GPHN: variants seen among roughly 807,000 people sequenced by gnomAD.
The protein encoded by GPHN is gephyrin.
GPHN carries 17 observed loss-of-function variants against 95.5 expected under a neutral mutation model. That is an observed-to-expected ratio of 0.18 (90% CI 0.12 to 0.27). The LOEUF (loss-of-function observed/expected upper bound fraction) is 0.27, where lower values mean the gene tolerates loss of function less well. Ranked by LOEUF, GPHN falls within the 10% of genes least tolerant of loss-of-function variation. GPHN has a pLI of 1.00. For missense variants in GPHN, 660 were observed against 978.1 expected (o/e 0.67, Z 4.34); for synonymous variants, 320 against 322.5 (o/e 0.99, Z 0.08).
At chr14:66,953,679 T>C (rs2068277873) in intron 8 of GPHN, among the ~76,000 whole-genome samples, 1 of 152,182 alleles carries the variant, frequency 6.6e-6, no homozygotes, top group African/African-American at 2.4e-5. Flanking sequence ...TCCATTAACC[T>C]ATGTTTGCCT....
chr14:66,737,775 C>G (rs964010227), intron 2 of GPHN, among the ~76,000 whole-genome samples: 1 of 152,182 alleles, frequency 6.6e-6, no homozygotes, highest in African/African-American at 2.4e-5. Flanking sequence ...AACCAGCCAA[C>G]CGTGTGCTTA....
chr14:66,835,123 G>A (rs963812816), intron 4 of GPHN, among the ~76,000 whole-genome samples: 1 of 151,392 alleles, frequency 6.6e-6, no homozygotes, highest in African/African-American at 2.4e-5. Flanking sequence ...ATTTTTTATT[G>A]TGTCTATTTG....
At chr14:66,576,622 T>C (rs1468912881) in intron 1 of GPHN, among the ~76,000 whole-genome samples, 1 of 152,194 alleles carries the variant, frequency 6.6e-6, no homozygotes, top group Non-Finnish European at 1.5e-5. Context: ...GCATATTTTC[T>C]ATGCACAATC....
intron 2 of GPHN, among the ~76,000 whole-genome samples, chr14:66,740,045 G>A (rs1008478796): frequency 6.6e-6 from 1 of 151,964 alleles, no homozygotes; most frequent in Non-Finnish European, 1.5e-5. Flanking sequence ...GTGAATAATA[G>A]GCTAAAAGAA....
chr14:67,251,322 C>T, the GPHN span, among the ~76,000 whole-genome samples: 1 of 152,108 alleles, frequency 6.6e-6, no homozygotes, highest in South Asian at 2.1e-4. Flanking sequence ...CGCTTGAGCC[C>T]AGGAGTTTGA....
chr14:66,545,449 T>G, intron 1 of GPHN, among the ~76,000 whole-genome samples: 1 of 125,444 alleles, frequency 8.0e-6, no homozygotes, highest in African/African-American at 3.1e-5. Context: ...CACTTTCCAG[T>G]AGGGGTGGCT....
intron 9 of GPHN, among the ~76,000 whole-genome samples, chr14:67,015,970 T>C (rs1224939025): frequency 6.6e-6 from 1 of 152,198 alleles, no homozygotes; most frequent in Non-Finnish European, 1.5e-5. Flanking sequence ...TAAGCAACAG[T>C]GTTCCTTTTT....
the GPHN span, among the ~76,000 whole-genome samples, chr14:67,540,530 G>A: frequency 6.6e-6 from 1 of 151,716 alleles, no homozygotes; most frequent in African/African-American, 2.4e-5. Context: ...GGAGGCTGAG[G>A]CATGAGAATC....
At position 66,525,412 on chromosome 14, in the gene GPHN, A is replaced by G. The variant is rs572789402; in HGVS notation, c.64+16821A>G. Reference sequence around the variant, plus strand: ...TATTAGCCCTTTGTCAGATGAGTAGATTGCAAAAACTTTCTCCCATTCTGT... The same window carrying G: ...TATTAGCCCTTTGTCAGATGAGTAGGTTGCAAAAACTTTCTCCCATTCTGT... On this transcript the variant is annotated intron_variant, in intron 1 of 22. Transcript: ENST00000478722. Among the ~76,000 whole-genome samples the G allele has an allele frequency of 5.3e-5, 8 of 152,200 alleles. No individual in the cohort carries two copies. In the South Asian group the frequency reaches 6.2e-4, roughly 12 times the overall value.
At chr14:67,401,109 TAC>T in the GPHN span, among the ~76,000 whole-genome samples, 5 of 152,128 alleles carry the variant, frequency 3.3e-5, no homozygotes, top group Non-Finnish European at 7.3e-5. Flanking sequence ...TATTTGGAGA[TAC>T]ATCCCCTTTA....
the GPHN span, among the ~76,000 whole-genome samples, chr14:67,732,071 A>G: frequency 4.0e-5 from 6 of 150,616 alleles, no homozygotes; most frequent in African/African-American, 1.5e-4. Flanking sequence ...AGGCTGCAGT[A>G]AGCCGAGATC....
intron 9 of GPHN, among the ~76,000 whole-genome samples, chr14:67,006,041 G>A (rs1167780644): frequency 2.0e-5 from 3 of 148,104 alleles, no homozygotes; most frequent in African/African-American, 5.2e-5. Flanking sequence ...GAAAATAAAA[G>A]GAAGGGAGGC....
At chr14:67,592,670 G>C in the GPHN span, 1 of 1,608,858 alleles carries the variant, frequency 6.2e-7, no homozygotes, top group African/African-American at 1.3e-5. Context: ...ATCCCATGTG[G>C]TTCCACTGGA....
chr14:67,563,624 G>C, the GPHN span, among the ~76,000 whole-genome samples: 19 of 151,704 alleles, frequency 1.3e-4, no homozygotes, highest in African/African-American at 4.1e-4. Flanking sequence ...GTAGAGGCAG[G>C]GTTTCACCAT....
intron 4 of GPHN, among the ~76,000 whole-genome samples, chr14:66,859,995 G>A (rs1394550285): frequency 6.6e-6 from 1 of 152,080 alleles, no homozygotes; most frequent in Non-Finnish European, 1.5e-5. Context: ...GCTCAAAAGG[G>A]TAAATCTAAG....
chr14:66,620,853 T>C (rs1459112391), intron 1 of GPHN, among the ~76,000 whole-genome samples: 1 of 152,166 alleles, frequency 6.6e-6, no homozygotes, highest in Non-Finnish European at 1.5e-5. Context: ...AGTTACTTCC[T>C]AGATACAATG....
At chr14:67,424,826 C>T in the GPHN span, among the ~76,000 whole-genome samples, 1 of 152,110 alleles carries the variant, frequency 6.6e-6, no homozygotes, top group Non-Finnish European at 1.5e-5. Context: ...CACGGCTATG[C>T]TTCTACCCTG....
the GPHN span, chr14:67,337,266 C>CTT: frequency 1.3e-5 from 2 of 152,398 alleles, no homozygotes. Flanking sequence ...AATCCCAGCA[C>CTT]TTTGGGAGGC....
intron 5 of GPHN, among the ~76,000 whole-genome samples, chr14:66,908,505 A>G (rs989315718): frequency 6.6e-6 from 1 of 152,156 alleles, no homozygotes; most frequent in South Asian, 2.1e-4. Context: ...TGTCCTGTGC[A>G]TATAATTTCC....
Sources: gnomAD v4.1 joint callset for allele counts (sites outside exome capture counted in the v4.1 genomes callset) on GRCh38, gnomAD v4.1.1 for gene constraint, MANE v1.5 for transcripts, NCBI Gene and HGNC (gene_info 2026-07-23, HGNC 2026-07-21) for gene names.